Variants in CHRNA6 observed in about 807,000 individuals in gnomAD.
CHRNA6 encodes neuronal acetylcholine receptor subunit alpha-6.
Under a neutral mutation model 40.9 loss-of-function variants are expected in CHRNA6, and 31 were observed. The observed-to-expected ratio is 0.76, with a 90% confidence interval of 0.57 to 1.02. The LOEUF (loss-of-function observed/expected upper bound fraction) is 1.02, where lower values mean the gene tolerates loss of function less well. CHRNA6 is among the 50% of genes least tolerant of loss of function. The pLI, the probability that CHRNA6 is intolerant of heterozygous loss-of-function variation, is 0.00. For synonymous variants in CHRNA6, 222 were observed against 221.3 expected (o/e 1.00, Z -0.03); for missense variants, 546 against 596.6 (o/e 0.92, Z 0.88).
intron 2 of CHRNA6, among the ~76,000 whole-genome samples, chr8:42,762,134 C>G (rs1816913259): frequency 1.3e-5 from 2 of 152,196 alleles, no homozygotes; most frequent in Admixed American, 1.3e-4. Context: ...CCAAGGCCTT[C>G]CAGAAGGGAG....
At chr8:42,754,609 C>T (rs1269418180) in intron 5 of CHRNA6, among the ~76,000 whole-genome samples, 1 of 152,198 alleles carries the variant, frequency 6.6e-6, no homozygotes, top group Non-Finnish European at 1.5e-5. Context: ...ACAGGGCGGA[C>T]TTTCGGTTTC....
intron 5 of CHRNA6, among the ~76,000 whole-genome samples, chr8:42,754,623 G>T (rs905602153): frequency 3.9e-5 from 6 of 152,134 alleles, no homozygotes; most frequent in Non-Finnish European, 5.9e-5. Flanking sequence ...CGGTTTCACA[G>T]TATCCTTTCA....
At chr8:42,762,950 A>G (rs534695960) in intron 2 of CHRNA6, among the ~76,000 whole-genome samples, 6 of 152,360 alleles carry the variant, frequency 3.9e-5, no homozygotes, top group African/African-American at 1.4e-4. Context: ...CTCAAGAAAT[A>G]AAAATTCAAT....
chr8:42,762,776 A>G (rs1277002297), intron 2 of CHRNA6, among the ~76,000 whole-genome samples: 1 of 152,178 alleles, frequency 6.6e-6, no homozygotes, highest in Non-Finnish European at 1.5e-5. Flanking sequence ...GCTGAGGGAA[A>G]AACCCAGTCC....
rs1816962432 is a variant in CHRNA6, at chr8:42,765,339, C to T, written c.80-135G>A. On this transcript the variant is annotated intron_variant, in intron 1 of 5. Transcript: ENST00000276410. ...GACTGCATCCTGGTATTGTTACCAC[C>T]TGTGCGTGCTCCACCAGTGCCCATC... The T allele has an allele frequency of 3.4e-6, 3 of 895,360 alleles. No homozygotes were observed. The East Asian group carries it at 7.6e-5, about 23-fold the overall frequency. The allele number at this position is 895,360 out of a possible 1,614,324, so 55.5% of individuals were successfully genotyped here. A position where few individuals can be genotyped will look rare whatever the true frequency, so the allele number is the denominator to read the frequency against.
At chr8:42,768,200 A>G in intron 1 of CHRNA6, 152 bp downstream of exon 1, 1 of 554,864 alleles carries the variant, frequency 1.8e-6, no homozygotes, top group Non-Finnish European at 3.2e-6. Flanking sequence ...ACAAATAAAA[A>G]CCAAATAGAT....
chr8:42,753,313 G>A lies in CHRNA6; in HGVS notation c.1354-3C>T. 6.3e-7 allele frequency: 1 copy of A among 1,597,284 alleles called. No homozygotes were observed. Among genetic ancestry groups the A allele is most frequent in the Non-Finnish European group, 8.5e-7 (1 of 1,176,310 alleles). ...ACGTATTTCCAGTCATCTTCTACCTGAAATGCAAACAAAAATTAAGAGCTG... is the reference window on the plus strand; with the variant it reads ...ACGTATTTCCAGTCATCTTCTACCTAAAATGCAAACAAAAATTAAGAGCTG... On this transcript the variant is annotated splice_polypyrimidine_tract_variant and splice_region_variant and intron_variant, in intron 5 of 5. Transcript: ENST00000276410.
rs185753485 is a variant in CHRNA6 at position 42,753,886 on chromosome 8, G to T, written c.1354-576C>A. Among the ~76,000 whole-genome samples, 1,121 of 152,244 alleles carry T rather than the reference G, an allele frequency of 7.4e-3. 39 individuals are homozygous for T. The highest frequency in any genetic ancestry group is 0.064 in the Admixed American group (982 of 15,274). On this transcript the variant is annotated intron_variant, in intron 5 of 5. Transcript: ENST00000276410. The stretch of plus-strand genomic sequence containing the variant: ...CAAGAAACGCTCCAGAGAAGCAACT[G>T]CTCAGAGAGCTAGACTCATTCTTTG...
At chr8:42,759,217 G>A (rs2128911680) in intron 2 of CHRNA6, 104 bp from the exon 3 acceptor site, 3 of 835,862 alleles carry the variant, frequency 3.6e-6, no homozygotes, top group Non-Finnish European at 6.1e-6. Flanking sequence ...ACTTATTCAT[G>A]CCAATAGAAG....
At chr8:42,754,828 C>A (rs191020635) in intron 5 of CHRNA6, among the ~76,000 whole-genome samples, 1 of 152,092 alleles carries the variant, frequency 6.6e-6, no homozygotes, top group Non-Finnish European at 1.5e-5. Flanking sequence ...AGTACGTGAA[C>A]GCTAAAAATA....
chr8:42,759,014 T>C, intron 3 of CHRNA6, 55 bp downstream of exon 3: 1 of 1,309,740 alleles, frequency 7.6e-7, no homozygotes, highest in Non-Finnish European at 1.1e-6. Context: ...AAGGTAGTGC[T>C]TGTGGGTTTT....
rs189061841 is a variant in CHRNA6 at position 42,759,161 on chromosome 8, A to C, written c.220-48T>G. On this transcript the variant is annotated intron_variant, in intron 2 of 5. Coordinates refer to ENST00000276410, the MANE Select transcript of CHRNA6 (RefSeq NM_004198.3). ...TTAGCCTCAAATGTGCTTGCCATAG[A>C]GGTGAGACTTAGAGCAAAAATTACA... is the stretch of plus-strand genomic sequence containing the variant. The C allele has an allele frequency of 1.7e-5, 26 of 1,490,190 alleles. No homozygotes were observed. The African/African-American group carries it at 3.0e-4, about 17-fold the overall frequency. The allele number at this position is 1,490,190 out of a possible 1,614,324, so 92.3% of individuals were successfully genotyped here. A position where few individuals can be genotyped will look rare whatever the true frequency, so the allele number is the denominator to read the frequency against.
intron 2 of CHRNA6, among the ~76,000 whole-genome samples, chr8:42,764,175 TG>T (rs746247172): frequency 2.0e-5 from 3 of 151,960 alleles, no homozygotes; most frequent in Non-Finnish European, 2.9e-5. Flanking sequence ...CTCCCTGCAA[TG>T]GGGGGGCGCA....
chr8:42,764,097 T>C (rs1177218941), intron 2 of CHRNA6, among the ~76,000 whole-genome samples: 1 of 152,106 alleles, frequency 6.6e-6, no homozygotes, highest in African/African-American at 2.4e-5. Context: ...TGCATCTTCC[T>C]AGAATTTGGT....
intron 2 of CHRNA6, among the ~76,000 whole-genome samples, chr8:42,760,652 G>A (rs994126163): frequency 4.6e-5 from 7 of 152,008 alleles, no homozygotes; most frequent in Admixed American, 1.3e-4. Context: ...GCACACACAC[G>A]CTAGCACACA....
chr8:42,768,514 C>CTTGA lies in CHRNA6; in HGVS notation c.-88_-85dup. ...TATCAGTCAGCCACATGCATCCAAC[C>CTTGA]TTGACATCATCAGAAGCCCACTGCA... is the stretch of plus-strand genomic sequence containing the variant. On this transcript the variant is annotated 5_prime_UTR_variant, in exon 1 of 6. The change abolishes the stop of an existing upstream ORF in the 5' untranslated region. Transcript: ENST00000276410. 4 of 979,870 alleles carry CTTGA rather than the reference C, an allele frequency of 4.1e-6. No individual in the cohort carries two copies. In the South Asian group the frequency reaches 5.3e-5, roughly 13 times the overall value. 60.7% of individuals were successfully genotyped at this position (979,870 alleles called of 1,614,324 possible).
At chr8:42,767,222 C>G (rs111972009) in intron 1 of CHRNA6, among the ~76,000 whole-genome samples, 4,019 of 152,332 alleles carry the variant, frequency 0.026, 84 homozygotes, top group African/African-American at 0.054. Flanking sequence ...CTGCCTCTGC[C>G]TCCCAAAGTG....
chr8:42,765,220 A>C lies in CHRNA6; in HGVS notation c.80-16T>G, dbSNP rs769422306. The C allele has an allele frequency of 1.8e-5, 29 of 1,612,480 alleles. No homozygotes were observed. The African/African-American group carries it at 2.0e-4, about 11-fold the overall frequency. ...CCCACACAGCCTGTGAGGCCAAACAAAGGGGAGAGTTAGAGCCAGCCCGGC... is the reference window on the plus strand; with the variant it reads ...CCCACACAGCCTGTGAGGCCAAACACAGGGGAGAGTTAGAGCCAGCCCGGC... On this transcript the variant is annotated splice_polypyrimidine_tract_variant and intron_variant, in intron 1 of 5. Coordinates refer to ENST00000276410, the MANE Select transcript of CHRNA6 (RefSeq NM_004198.3).
intron 2 of CHRNA6, among the ~76,000 whole-genome samples, chr8:42,760,327 C>T (rs1183389028): frequency 8.1e-6 from 1 of 123,796 alleles, no homozygotes; most frequent in Non-Finnish European, 1.5e-5. Context: ...CATGCACACT[C>T]ACACTCATGC....
Sources: allele counts gnomAD v4.1 joint callset (sites outside exome capture counted in the v4.1 genomes callset), GRCh38; gene constraint gnomAD v4.1.1; transcripts MANE v1.5; gene names NCBI Gene and HGNC (gene_info 2026-07-23, HGNC 2026-07-21).